The following SLC1A1 variants were observed in gnomAD, a reference collection of about 807,000 sequenced individuals.
SLC1A1 encodes the protein excitatory amino acid transporter 3.
SLC1A1 carries 43 observed loss-of-function variants against 53.3 expected under a neutral mutation model. The observed-to-expected ratio is 0.81, with a 90% confidence interval of 0.63 to 1.04. The LOEUF (loss-of-function observed/expected upper bound fraction) is 1.04. SLC1A1 is among the 50% of genes least tolerant of loss of function. The pLI is 0.00. For synonymous variants in SLC1A1, 307 were observed against 243.2 expected, an observed-to-expected ratio of 1.26 and a Z score of -2.44; for missense variants, 748 against 664.9, an observed-to-expected ratio of 1.12 and a Z score of -1.37.
At chr9:4,528,503 G>A (rs1296881246) in intron 1 of SLC1A1, among the ~76,000 whole-genome samples, 2 of 152,144 alleles carry the variant, frequency 1.3e-5, no homozygotes, top group Non-Finnish European at 2.9e-5. Flanking sequence ...GTGAACCCGG[G>A]AGGCGGAGGT....
At chr9:4,574,615 T>C (rs1423539133) in intron 8 of SLC1A1, among the ~76,000 whole-genome samples, 1 of 152,148 alleles carries the variant, frequency 6.6e-6, no homozygotes, top group Non-Finnish European at 1.5e-5. Context: ...GTAGTTTCCA[T>C]ATTTATTACA....
intron 1 of SLC1A1, among the ~76,000 whole-genome samples, chr9:4,527,746 C>G (rs771675818): frequency 1.3e-5 from 2 of 151,872 alleles, no homozygotes; most frequent in African/African-American, 4.8e-5. Flanking sequence ...GTTTTGAGAC[C>G]ATTTTCTTAC....
intron 1 of SLC1A1, among the ~76,000 whole-genome samples, chr9:4,495,636 G>C (rs779472124): frequency 1.1e-3 from 160 of 152,080 alleles, no homozygotes; most frequent in Non-Finnish European, 1.9e-3. Flanking sequence ...GTTTGTGTGA[G>C]AAACATCAAG....
chr9:4,567,432 C>T (rs1253293022), intron 5 of SLC1A1, among the ~76,000 whole-genome samples: 2 of 152,126 alleles, frequency 1.3e-5, no homozygotes, highest in African/African-American at 4.8e-5. Context: ...AGTGAAGGAA[C>T]ATTTTGACAT....
At chr9:4,545,187 A>ACGTCTCTCTCTCTCTCTCTCTCTC (rs1482539598) in intron 2 of SLC1A1, among the ~76,000 whole-genome samples, 27 of 49,038 alleles carry the variant, frequency 5.5e-4, no homozygotes, top group African/African-American at 1.6e-3. Context: ...AATACATTAG[A>ACGTCTCTCTCTCTCTCTCTCTCTC]TGTCTCTCTC....
At chr9:4,511,566 TACACACAC>T (rs113277990) in intron 1 of SLC1A1, among the ~76,000 whole-genome samples, 2,570 of 146,316 alleles carry the variant, frequency 0.018, 26 homozygotes, top group African/African-American at 0.034. Flanking sequence ...TTAAGAATTC[TACACACAC>T]ACACACACAC....
chr9:4,559,322 T>C (rs78816932), intron 2 of SLC1A1, among the ~76,000 whole-genome samples: 1 of 152,216 alleles, frequency 6.6e-6, no homozygotes, highest in Admixed American at 6.5e-5. Context: ...CAGTGGTTGA[T>C]GAATGGCGCC....
At chr9:4,526,821 C>T (rs775609414) in intron 1 of SLC1A1, among the ~76,000 whole-genome samples, 12 of 151,616 alleles carry the variant, frequency 7.9e-5, no homozygotes, top group South Asian at 2.1e-4. Context: ...AGTTCTGAGA[C>T]GGCACCCAAG....
At chr9:4,514,315 A>G (rs1210151286) in intron 1 of SLC1A1, among the ~76,000 whole-genome samples, 4 of 152,174 alleles carry the variant, frequency 2.6e-5, no homozygotes, top group African/African-American at 9.7e-5. Context: ...CTCATCCCTG[A>G]AAAGAGCAAA....
intron 1 of SLC1A1, among the ~76,000 whole-genome samples, chr9:4,491,690 A>T (rs1012302004): frequency 2.0e-5 from 3 of 152,106 alleles, no homozygotes; most frequent in Admixed American, 2.0e-4. Context: ...GATTAGCGCC[A>T]TATCTGTCGC....
intron 1 of SLC1A1, among the ~76,000 whole-genome samples, chr9:4,507,557 A>C (rs1278125637): frequency 1.3e-5 from 2 of 152,244 alleles, no homozygotes; most frequent in Non-Finnish European, 2.9e-5. Flanking sequence ...GGAAAGTTAC[A>C]ACTCCACAAA....
chr9:4,561,969 G>A (rs1290843306), intron 3 of SLC1A1, among the ~76,000 whole-genome samples: 2 of 151,868 alleles, frequency 1.3e-5, no homozygotes, highest in African/African-American at 4.8e-5. Context: ...TGTTGCCCAG[G>A]CTGGTCTTGA....
At chr9:4,511,824 C>T (rs1821010935) in intron 1 of SLC1A1, among the ~76,000 whole-genome samples, 1 of 152,024 alleles carries the variant, frequency 6.6e-6, no homozygotes, top group Non-Finnish European at 1.5e-5. Flanking sequence ...CAGGAAATCC[C>T]AAGAAATTAC....
intron 3 of SLC1A1, among the ~76,000 whole-genome samples, chr9:4,563,228 C>A (rs1819147873): frequency 6.6e-6 from 1 of 151,064 alleles, no homozygotes; most frequent in South Asian, 2.1e-4. Context: ...GCCCTTGTAG[C>A]CCTGCTTCAA....
intron 1 of SLC1A1, among the ~76,000 whole-genome samples, chr9:4,530,018 TGA>T (rs1360936549): frequency 6.6e-6 from 1 of 152,174 alleles, no homozygotes; most frequent in Non-Finnish European, 1.5e-5. Flanking sequence ...CCAAATAGGC[TGA>T]GAGAGTAACT....
chr9:4,531,234 T>C (rs1816457033), intron 1 of SLC1A1, among the ~76,000 whole-genome samples: 1 of 152,194 alleles, frequency 6.6e-6, no homozygotes, highest in Non-Finnish European at 1.5e-5. Flanking sequence ...CAGTGCACCG[T>C]GCGTGAGCCG....
intron 1 of SLC1A1, among the ~76,000 whole-genome samples, chr9:4,495,833 G>C (rs1176841739): frequency 2.0e-5 from 3 of 152,128 alleles, no homozygotes; most frequent in Non-Finnish European, 2.9e-5. Flanking sequence ...GGCTGGATTT[G>C]GTCCAAGGGA....
intron 1 of SLC1A1, among the ~76,000 whole-genome samples, chr9:4,496,412 G>C (rs553620561): frequency 6.6e-6 from 1 of 152,008 alleles, no homozygotes; most frequent in Admixed American, 6.5e-5. Flanking sequence ...AAGAGACAGG[G>C]TCTCGTTTTG....
chr9:4,518,270 C>T (rs2130825910), intron 1 of SLC1A1, among the ~76,000 whole-genome samples: 1 of 144,050 alleles, frequency 6.9e-6, no homozygotes. Flanking sequence ...GAATGAAGTC[C>T]TTACTTTTTT....
Sources: gnomAD v4.1 joint callset for allele counts (sites outside exome capture counted in the v4.1 genomes callset) on GRCh38, gnomAD v4.1.1 for gene constraint, MANE v1.5 for transcripts, NCBI Gene and HGNC (gene_info 2026-07-23, HGNC 2026-07-21) for gene names.